The following IFITM10 variants were observed in gnomAD, a reference collection of about 807,000 sequenced individuals.
IFITM10 encodes the protein interferon-induced transmembrane protein 10.
Under a neutral mutation model 19.0 loss-of-function variants are expected in IFITM10, and 17 were observed. That is an observed-to-expected ratio of 0.90 (90% CI 0.61 to 1.34). The LOEUF is 1.34. Ranked by LOEUF, IFITM10 falls within the 40% of genes most tolerant of loss-of-function variation. IFITM10 has a pLI of 0.00. For synonymous variants in IFITM10, 148 were observed against 147.2 expected, an observed-to-expected ratio of 1.01 and a Z score of -0.04; for missense variants, 306 against 319.8, an observed-to-expected ratio of 0.96 and a Z score of 0.33.
At chr11:1,738,608 G>A (rs774838788) in intron 2 of IFITM10, among the ~76,000 whole-genome samples, 15 of 152,180 alleles carry the variant, frequency 9.9e-5, no homozygotes, top group Non-Finnish European at 1.9e-4. Flanking sequence ...CGGTGGGCAG[G>A]ACAGGCAAAT....
At chr11:1,738,321 T>A (rs781411295) in intron 2 of IFITM10, among the ~76,000 whole-genome samples, 1 of 152,200 alleles carries the variant, frequency 6.6e-6, no homozygotes, top group Non-Finnish European at 1.5e-5. Context: ...TTTCGTATGA[T>A]GTGTTTTTCA....
At chr11:1,746,391 A>G (rs1845650298) in intron 2 of IFITM10, 1 of 375,986 alleles carries the variant, frequency 2.7e-6, no homozygotes, top group Middle Eastern at 6.5e-4. Flanking sequence ...CATGCACACA[A>G]TGCATTCACA....
At position 1,747,103 on chromosome 11, in the gene IFITM10, C is replaced by T. The variant is rs546189034; in HGVS notation, c.537+564G>A. ...GCCCTGAGCTGGGGAGGTGCAGGAC[C>T]TGTTTACACCCCTCTTCCCTGGGCT... On this transcript the variant is annotated intron_variant, in intron 2 of 2. Transcript: ENST00000340134. Among the ~76,000 whole-genome samples, 5 of 152,262 alleles carry T rather than the reference C, an allele frequency of 3.3e-5. 1 individual carries two copies. In the South Asian group the frequency reaches 1.0e-3, roughly 32 times the overall value.
chr11:1,735,307 G>A lies in IFITM10; in HGVS notation c.660C>T (p.Phe220=). 1.3e-6 allele frequency: 2 copies of A among 1,551,736 alleles called. No individual in the cohort carries two copies. The highest frequency in any genetic ancestry group is 1.7e-6 in the Non-Finnish European group (2 of 1,146,972). ...AGTAGTCGGTGAGGGGGTACCGCAG[G>A]AAGATGAAGACGAGGATGATGCAGG... ...AASCIILVFI[F]LRYPLTDY is the part of the protein sequence containing the mutation. The change falls in exon 3 of 3, where the codon TTC becomes TTT. Residue 220 remains phenylalanine (F), a synonymous_variant. Coordinates refer to ENST00000340134, the MANE Select transcript of IFITM10 (RefSeq NM_001170820.4).
At position 1,747,757 on chromosome 11, in the gene IFITM10, C is replaced by T; in HGVS notation, c.447G>A (p.Glu149=). The T allele has an allele frequency of 6.4e-7, 1 of 1,551,858 alleles. No individual in the cohort carries two copies. Among genetic ancestry groups the T allele is most frequent in the Non-Finnish European group, 8.7e-7 (1 of 1,146,990 alleles). ...TVIEVYPDTT[E]VNDYYLWSIF... ...TGGACCACAGGTAATAGTCGTTCAC[C>T]TCGGTGGTGTCCGGGTAGACCTCGA... Residue 149 remains glutamate, a synonymous_variant, in exon 2 of 3, where the codon GAG becomes GAA. Transcript: ENST00000340134.
chr11:1,739,998 CTG>C (rs1851128606), intron 2 of IFITM10, among the ~76,000 whole-genome samples: 1 of 152,074 alleles, frequency 6.6e-6, no homozygotes, highest in Admixed American at 6.6e-5. Context: ...GTGCTGGCCG[CTG>C]TGTAAGAACA....
intron 1 of IFITM10, 112 bp downstream of exon 1, chr11:1,750,247 A>C (rs898858146): frequency 2.6e-6 from 4 of 1,528,932 alleles, no homozygotes; most frequent in East Asian, 4.9e-5. Context: ...TTCCATCCCC[A>C]TAACAGTCCC....
At chr11:1,736,724 G>GTGGAATGGATGGAGTGGAGTGGA (rs1192157327) in intron 2 of IFITM10, among the ~76,000 whole-genome samples, 1 of 151,604 alleles carries the variant, frequency 6.6e-6, no homozygotes, top group East Asian at 1.9e-4. Context: ...AGTGGAGTGG[G>GTGGAATGGATGGAGTGGAGTGGA]TGGAATGGAT....
In IFITM10 at chr11:1,735,437, C is replaced by T. The variant is rs541464006; in HGVS notation, c.538-8G>A. The T allele has an allele frequency of 2.5e-5, 39 of 1,550,612 alleles. No homozygotes were observed. Among genetic ancestry groups the T allele is most frequent in the South Asian group, 4.8e-5 (4 of 84,000 alleles). ...AAGCTTCTTGTCTCGCACCTGAAGC[C>T]GGGAGGAGGACAGGAAATGGGCAGT... On this transcript the variant is annotated splice_region_variant and splice_polypyrimidine_tract_variant and intron_variant, in intron 2 of 2. Coordinates refer to ENST00000340134, the MANE Select transcript of IFITM10 (RefSeq NM_001170820.4).
chr11:1,746,675 G>A, intron 2 of IFITM10: 1 of 398,640 alleles, frequency 2.5e-6, no homozygotes, highest in Non-Finnish European at 4.4e-6. Flanking sequence ...AAGCTGGCCA[G>A]GCGTCCTTCC....
At chr11:1,735,851 C>T (rs973011395) in intron 2 of IFITM10, among the ~76,000 whole-genome samples, 1 of 152,186 alleles carries the variant, frequency 6.6e-6, no homozygotes, top group African/African-American at 2.4e-5. Context: ...TGGGGCGACA[C>T]AACTGTCTCC....
At chr11:1,736,337 T>A (rs1309155381) in intron 2 of IFITM10, among the ~76,000 whole-genome samples, 7 of 151,954 alleles carry the variant, frequency 4.6e-5, no homozygotes, top group Non-Finnish European at 7.4e-5. Context: ...GTCGGAAGAC[T>A]GGATGGACAG....
Position 1,750,407 on chromosome 11 carries a change from G to A in IFITM10, c.36C>T (p.Leu12=), listed in dbSNP as rs1477156966. The A allele has an allele frequency of 6.4e-7, 1 of 1,550,406 alleles. No individual in the cohort carries two copies. The stretch of plus-strand genomic sequence containing the variant: ...CCCTCTCCAAAGTCCCCCGGAAGCT[G>A]AGGATGCATGGCGGCCCCCGTTTTC... ...REGKRGPPCI[L]SFRGTLERVE... The change falls in exon 1 of 3, where the codon CTC becomes CTT. Residue 12 remains leucine (L), a synonymous_variant. Transcript: ENST00000340134.
intron 2 of IFITM10, among the ~76,000 whole-genome samples, chr11:1,736,145 C>G (rs1851084606): frequency 6.6e-6 from 1 of 152,122 alleles, no homozygotes; most frequent in African/African-American, 2.4e-5. Context: ...AAGAAGAAAC[C>G]AAGTTCTAGG....
At chr11:1,745,368 T>G (rs1200135117) in intron 2 of IFITM10, 1 of 152,260 alleles carries the variant, frequency 6.6e-6, no homozygotes, top group Non-Finnish European at 1.5e-5. Context: ...AGCTGCAGCT[T>G]CAGCCCCCCA....
At chr11:1,736,631 G>A (rs1851089713) in intron 2 of IFITM10, among the ~76,000 whole-genome samples, 1 of 151,950 alleles carries the variant, frequency 6.6e-6, no homozygotes, top group Admixed American at 6.6e-5. Context: ...CAGTGAAGTG[G>A]ATGGAATGGA....
In IFITM10 at chr11:1,747,681, C is replaced by T. The variant is rs770128798; in HGVS notation, c.523G>A (p.Ala175Thr). ...NFCCLGFIAL[A>T]YSLKVRDKKL... ...CCCGGGCTCACTTTGAGGGAGTAGGCCAAGGCGATGAAGCCCAGGCAGCAG... is the reference window on the plus strand; with the variant it reads ...CCCGGGCTCACTTTGAGGGAGTAGGTCAAGGCGATGAAGCCCAGGCAGCAG... Residue 175 changes from alanine to threonine, a missense_variant, in exon 2 of 3, where the codon GCC (alanine) becomes ACC (threonine). By Grantham distance (58) the Ala-to-Thr change is moderately conservative. Coordinates refer to ENST00000340134, the MANE Select transcript of IFITM10 (RefSeq NM_001170820.4). The T allele has an allele frequency of 7.7e-6, 12 of 1,551,616 alleles. No individual in the cohort carries two copies. The highest frequency in any genetic ancestry group is 3.9e-5 in the Admixed American group (2 of 50,988).
intron 2 of IFITM10, among the ~76,000 whole-genome samples, chr11:1,737,368 C>T (rs908842016): frequency 5.3e-5 from 8 of 152,142 alleles, no homozygotes; most frequent in African/African-American, 1.7e-4. Context: ...TTTCTATTTC[C>T]TCCTTGCAGT....
At position 1,734,224 on chromosome 11, in the gene IFITM10, T is replaced by C. The variant is rs1181269868; in HGVS notation, c.*1056A>G. Reference sequence around the variant, plus strand: ...TGACCGGCACCCCCATGACTGTGCCTGAGTTCCAAGGGGACAGAGCCCATC... The same window carrying C: ...TGACCGGCACCCCCATGACTGTGCCCGAGTTCCAAGGGGACAGAGCCCATC... On this transcript the variant is annotated 3_prime_UTR_variant, in exon 3 of 3. Transcript: ENST00000340134. 6.6e-6 allele frequency: 1 copy of C among 152,262 alleles called. No individual in the cohort carries two copies. Among genetic ancestry groups the C allele is most frequent in the Non-Finnish European group, 1.5e-5 (1 of 68,100 alleles). The allele number at this position is 152,262 out of a possible 1,614,324, so 9.4% of individuals were successfully genotyped here.
Sources: allele counts gnomAD v4.1 joint callset (sites outside exome capture counted in the v4.1 genomes callset), GRCh38; gene constraint gnomAD v4.1.1; transcripts MANE v1.5; gene names NCBI Gene and HGNC (gene_info 2026-07-23, HGNC 2026-07-21).